Variants in CCSER1 observed in about 807,000 individuals in gnomAD.
CCSER1 encodes the protein coiled-coil serine rich protein 1.
Under a neutral mutation model 82.0 loss-of-function variants are expected in CCSER1, and 41 were observed. The ratio of observed to expected loss-of-function variants is 0.50; its 90% confidence interval spans 0.39 to 0.65. CCSER1 has a LOEUF of 0.65. CCSER1 is among the 30% of genes least tolerant of loss of function. The pLI is 0.00. For synonymous variants in CCSER1, 414 were observed against 383.9 expected, an observed-to-expected ratio of 1.08 and a Z score of -0.92; for missense variants, 1,119 against 1,064.2, an observed-to-expected ratio of 1.05 and a Z score of -0.72.
chr4:90,965,948 A>C (rs959327259), intron 9 of CCSER1, among the ~76,000 whole-genome samples: 4 of 152,132 alleles, frequency 2.6e-5, no homozygotes, highest in African/African-American at 2.4e-5. Context: ...GAAATTCTGG[A>C]GTTGAAAAGT....
intron 10 of CCSER1, among the ~76,000 whole-genome samples, chr4:91,374,426 C>T (rs1750258195): frequency 1.3e-5 from 2 of 152,154 alleles, no homozygotes; most frequent in African/African-American, 4.8e-5. Flanking sequence ...TATATCTATT[C>T]TCCCTGTGGC....
chr4:90,286,999 T>C (rs1267689694), intron 1 of CCSER1, among the ~76,000 whole-genome samples: 3 of 151,948 alleles, frequency 2.0e-5, no homozygotes, highest in African/African-American at 4.8e-5. Context: ...TTGCCTCAGG[T>C]TGCTGCAGCC....
At chr4:90,154,355 G>A (rs1382090711) in intron 1 of CCSER1, among the ~76,000 whole-genome samples, 17 of 152,104 alleles carry the variant, frequency 1.1e-4, no homozygotes, top group Non-Finnish European at 1.9e-4. Flanking sequence ...TTGACGTGGC[G>A]ATGCGGGCTC....
intron 1 of CCSER1, among the ~76,000 whole-genome samples, chr4:90,210,450 CTT>C (rs11438395): frequency 1.4e-5 from 2 of 141,266 alleles, no homozygotes. Context: ...CTTTTCTTTT[CTT>C]TTTTTTTTTT....
intron 1 of CCSER1, among the ~76,000 whole-genome samples, chr4:90,201,753 G>A (rs115586634): frequency 0.012 from 1,790 of 152,146 alleles, 43 homozygotes; most frequent in African/African-American, 0.041. Context: ...AAGAGAAGAG[G>A]TGTATAGTAT....
At chr4:91,007,453 G>A (rs1738611605) in intron 9 of CCSER1, among the ~76,000 whole-genome samples, 1 of 152,108 alleles carries the variant, frequency 6.6e-6, no homozygotes, top group South Asian at 2.1e-4. Context: ...TATTGATTCA[G>A]TCTTGTTACT....
intron 5 of CCSER1, among the ~76,000 whole-genome samples, chr4:90,619,328 CG>C (rs1371518961): frequency 2.6e-5 from 4 of 151,626 alleles, no homozygotes; most frequent in African/African-American, 4.8e-5. Flanking sequence ...TCCTGATCCC[CG>C]CAAGAGAAAA....
chr4:90,706,275 A>G (rs1739326801), intron 6 of CCSER1, among the ~76,000 whole-genome samples: 1 of 152,182 alleles, frequency 6.6e-6, no homozygotes, highest in African/African-American at 2.4e-5. Context: ...ATGGTGAATT[A>G]AATTATTTAA....
chr4:91,535,057 A>C (rs1761229440), intron 10 of CCSER1, among the ~76,000 whole-genome samples: 1 of 151,922 alleles, frequency 6.6e-6, no homozygotes, highest in Non-Finnish European at 1.5e-5. Context: ...TACATGTGTA[A>C]GTATAAATTA....
At chr4:90,646,617 C>G (rs2149015421) in intron 6 of CCSER1, among the ~76,000 whole-genome samples, 1 of 152,220 alleles carries the variant, frequency 6.6e-6, no homozygotes, top group African/African-American at 2.4e-5. Flanking sequence ...TCTTGGTATC[C>G]TTATTGTCAG....
intron 10 of CCSER1, among the ~76,000 whole-genome samples, chr4:91,169,844 A>T (rs1560487853): frequency 6.6e-6 from 1 of 152,126 alleles, no homozygotes; most frequent in Non-Finnish European, 1.5e-5. Context: ...CTAGTTGCCT[A>T]TCCCATTTTC....
intron 9 of CCSER1, among the ~76,000 whole-genome samples, chr4:90,972,934 A>G (rs1735256795): frequency 6.6e-6 from 1 of 151,850 alleles, no homozygotes; most frequent in Admixed American, 6.6e-5. Context: ...TCTTCAATAA[A>G]TAATGTTGAG....
intron 10 of CCSER1, among the ~76,000 whole-genome samples, chr4:91,427,320 T>C (rs1754043360): frequency 6.6e-6 from 1 of 152,154 alleles, no homozygotes; most frequent in Non-Finnish European, 1.5e-5. Flanking sequence ...ATTAGTCACT[T>C]TTCTCAAAGT....
chr4:90,480,371 C>G (rs984372412), intron 5 of CCSER1, among the ~76,000 whole-genome samples: 1 of 152,130 alleles, frequency 6.6e-6, no homozygotes, highest in African/African-American at 2.4e-5. Context: ...TGCAGAAACT[C>G]TTTAGCTTAA....
intron 7 of CCSER1, among the ~76,000 whole-genome samples, chr4:90,802,009 G>C (rs1756893017): frequency 6.6e-6 from 1 of 151,902 alleles, no homozygotes; most frequent in South Asian, 2.1e-4. Context: ...CACGAGGTCA[G>C]TAGTTCAAGA....
chr4:90,930,115 G>A (rs1373081535), intron 9 of CCSER1, among the ~76,000 whole-genome samples: 1 of 152,068 alleles, frequency 6.6e-6, no homozygotes, highest in Admixed American at 6.6e-5. Flanking sequence ...ATTATGTTGT[G>A]GTAGTGTTGA....
intron 7 of CCSER1, among the ~76,000 whole-genome samples, chr4:90,736,380 G>T (rs902954040): frequency 6.6e-6 from 1 of 151,718 alleles, no homozygotes; most frequent in Non-Finnish European, 1.5e-5. Flanking sequence ...TATAAATCTG[G>T]GTGCTCTTGT....
rs1002343818 is a variant in CCSER1, at chr4:90,743,549, T to C, written c.2010+19558T>C. Among the ~76,000 whole-genome samples, 328 of 152,340 alleles carry C rather than the reference T, an allele frequency of 2.2e-3. 6 individuals are homozygous for C. Among genetic ancestry groups the C allele is most frequent in the East Asian group, 3.9e-4 (2 of 5,180 alleles). On this transcript the variant is annotated intron_variant, in intron 7 of 10. Transcript: ENST00000509176. ...AACATTGATTCTTGTAGGCTAAACT[T>C]ATTTTATTAAAATTATGTTGCATAT...
At chr4:91,416,454 T>G (rs1260317053) in intron 10 of CCSER1, among the ~76,000 whole-genome samples, 1 of 152,102 alleles carries the variant, frequency 6.6e-6, no homozygotes, top group African/African-American at 2.4e-5. Context: ...GACTTCAAAC[T>G]ATATCACAAG....
Sources: allele counts gnomAD v4.1 joint callset (sites outside exome capture counted in the v4.1 genomes callset), GRCh38; gene constraint gnomAD v4.1.1; transcripts MANE v1.5; gene names NCBI Gene and HGNC (gene_info 2026-07-23, HGNC 2026-07-21).